AFF3: variants seen among roughly 807,000 people sequenced by gnomAD.
The protein encoded by AFF3 is AF4/FMR2 family member 3.
Under a neutral mutation model 129.7 loss-of-function variants are expected in AFF3, and 32 were observed. That is an observed-to-expected ratio of 0.25 (90% CI 0.19 to 0.33). The LOEUF (loss-of-function observed/expected upper bound fraction) is 0.33. Among genes scored for constraint, AFF3 ranks in the 10% least tolerant of loss-of-function variants. AFF3 has a pLI of 1.00. For synonymous variants in AFF3, 644 were observed against 635.4 expected (o/e 1.01, Z -0.20); for missense variants, 1,373 against 1,592.0 (o/e 0.86, Z 2.34).
chr2:100,103,982 C>G (rs1690987073), intron 4 of AFF3, among the ~76,000 whole-genome samples: 1 of 151,324 alleles, frequency 6.6e-6, no homozygotes, highest in South Asian at 2.1e-4. Flanking sequence ...CGCAGCAGCA[C>G]CAACTCCAGG....
intron 11 of AFF3, among the ~76,000 whole-genome samples, chr2:99,689,471 A>G (rs931879265): frequency 6.6e-6 from 1 of 151,764 alleles, no homozygotes; most frequent in Non-Finnish European, 1.5e-5. Flanking sequence ...GTGCTCAGTG[A>G]CCTTATTGAA....
At chr2:99,740,375 G>A (rs1680622367) in intron 10 of AFF3, among the ~76,000 whole-genome samples, 2 of 151,434 alleles carry the variant, frequency 1.3e-5, no homozygotes, top group African/African-American at 4.9e-5. Context: ...CTAGATCCCT[G>A]AGGAATCGCC....
chr2:99,902,772 T>C (rs1189571743), intron 7 of AFF3, among the ~76,000 whole-genome samples: 1 of 152,158 alleles, frequency 6.6e-6, no homozygotes, highest in African/African-American at 2.4e-5. Flanking sequence ...AACAGTAAGA[T>C]GTGTGGATCA....
At chr2:99,679,168 G>A (rs2104533235) in intron 11 of AFF3, among the ~76,000 whole-genome samples, 1 of 152,084 alleles carries the variant, frequency 6.6e-6, no homozygotes, top group East Asian at 1.9e-4. Context: ...AAAACCCAGG[G>A]ATCTCTACAT....
chr2:99,867,241 A>T (rs1691487933), intron 7 of AFF3, among the ~76,000 whole-genome samples: 1 of 152,036 alleles, frequency 6.6e-6, no homozygotes, highest in African/African-American at 2.4e-5. Flanking sequence ...TTAGCAACAT[A>T]ACTTCCCTAA....
chr2:99,932,308 A>C (rs775539558), intron 7 of AFF3, among the ~76,000 whole-genome samples: 2 of 152,156 alleles, frequency 1.3e-5, no homozygotes, highest in Non-Finnish European at 2.9e-5. Flanking sequence ...GAAGCCAAAA[A>C]ACTGGACACT....
intron 7 of AFF3, among the ~76,000 whole-genome samples, chr2:99,917,908 G>A (rs1330616550): frequency 6.6e-6 from 1 of 151,976 alleles, no homozygotes; most frequent in Non-Finnish European, 1.5e-5. Flanking sequence ...TTATTATATG[G>A]CCGTTATATA....
intron 1 of AFF3, among the ~76,000 whole-genome samples, chr2:100,131,324 C>T (rs1341946097): frequency 6.6e-6 from 1 of 152,228 alleles, no homozygotes; most frequent in East Asian, 1.9e-4. Flanking sequence ...AATTAAAGAA[C>T]TTCTGCAGCA....
intron 11 of AFF3, among the ~76,000 whole-genome samples, chr2:99,721,902 T>G (rs1049816562): frequency 4.6e-5 from 7 of 152,246 alleles, no homozygotes; most frequent in African/African-American, 1.7e-4. Context: ...GGCATCACAA[T>G]GCATGTATAT....
chr2:100,108,667 C>A (rs1005485744), intron 2 of AFF3, among the ~76,000 whole-genome samples: 9 of 152,070 alleles, frequency 5.9e-5, no homozygotes, highest in African/African-American at 1.9e-4. Flanking sequence ...AGAAAGGGGG[C>A]CAATACCCCG....
chr2:99,550,189 TA>T lies in AFF3; in HGVS notation c.*1284del. 8.7e-6 allele frequency: 2 copies of T among 229,574 alleles called. No individual in the cohort carries two copies. Among genetic ancestry groups the T allele is most frequent in the South Asian group, 1.8e-4 (1 of 5,482 alleles). 14.2% of individuals were successfully genotyped at this position (229,574 alleles called of 1,614,324 possible). A position where few individuals can be genotyped will look rare whatever the true frequency, so the allele number is the denominator to read the frequency against. ...AAAGAAACTAAAATGTAAACTTAAT[TA>T]AAAAAAGAAAACAAGAGAAAAACTC... On this transcript the variant is annotated 3_prime_UTR_variant, in exon 25 of 25. Transcript: ENST00000672756.
intron 10 of AFF3, among the ~76,000 whole-genome samples, chr2:99,741,677 T>A (rs921170624): frequency 7.9e-5 from 12 of 152,130 alleles, no homozygotes; most frequent in Admixed American, 2.6e-4. Flanking sequence ...GCCATCCCCA[T>A]CAAGCTACCA....
At chr2:99,949,057 G>A (rs1268985039) in intron 7 of AFF3, among the ~76,000 whole-genome samples, 1 of 152,138 alleles carries the variant, frequency 6.6e-6, no homozygotes, top group Non-Finnish European at 1.5e-5. Context: ...CCATGGATTT[G>A]GGGGTCAGAA....
At chr2:99,823,707 C>T (rs2105703677) in intron 8 of AFF3, among the ~76,000 whole-genome samples, 1 of 152,292 alleles carries the variant, frequency 6.6e-6, no homozygotes, top group Non-Finnish European at 1.5e-5. Flanking sequence ...AGTCTCCATG[C>T]CCTTCAACAG....
intron 1 of AFF3, among the ~76,000 whole-genome samples, chr2:100,137,028 C>T (rs4851251): frequency 0.21 from 31,627 of 152,028 alleles, 4,162 homozygotes; most frequent in Admixed American, 0.34. Context: ...TTTCTTTTTG[C>T]CATAAGGAAT....
At chr2:100,048,163 A>G (rs1212898184) in intron 4 of AFF3, among the ~76,000 whole-genome samples, 1 of 152,260 alleles carries the variant, frequency 6.6e-6, no homozygotes, top group Non-Finnish European at 1.5e-5. Context: ...GTTGTTTACA[A>G]TGTAACAAAG....
chr2:99,948,222 C>T (rs1411834982), intron 7 of AFF3, among the ~76,000 whole-genome samples: 1 of 152,090 alleles, frequency 6.6e-6, no homozygotes, highest in African/African-American at 2.4e-5. Flanking sequence ...CTGAGGTTCA[C>T]TGCATGTCAT....
chr2:99,858,977 C>T (rs1463709800), intron 7 of AFF3, among the ~76,000 whole-genome samples: 5 of 152,264 alleles, frequency 3.3e-5, no homozygotes, highest in Non-Finnish European at 2.9e-5. Flanking sequence ...AATAGCTGAC[C>T]GATACACCTG....
At chr2:99,578,009 C>A (rs1677157463) in intron 18 of AFF3, among the ~76,000 whole-genome samples, 1 of 152,182 alleles carries the variant, frequency 6.6e-6, no homozygotes, top group Non-Finnish European at 1.5e-5. Context: ...TAGCATAAAA[C>A]CGCCAACAGC....
Sources: allele counts gnomAD v4.1 joint callset (sites outside exome capture counted in the v4.1 genomes callset), GRCh38; gene constraint gnomAD v4.1.1; transcripts MANE v1.5; gene names NCBI Gene and HGNC (gene_info 2026-07-23, HGNC 2026-07-21).